CEP135: variants seen among roughly 807,000 people sequenced by gnomAD.
CEP135 encodes centrosomal protein of 135 kDa.
In CEP135, 142 loss-of-function variants were observed where a neutral mutation model predicts 157.3. That is an observed-to-expected ratio of 0.90 (90% CI 0.79 to 1.04). The LOEUF is 1.04. Ranked by LOEUF, CEP135 falls within the 50% of genes least tolerant of loss-of-function variation. CEP135 has a pLI of 0.00. For missense variants in CEP135, 1,317 were observed against 1,309.2 expected (o/e 1.01, Z -0.09); for synonymous variants, 396 against 439.8 (o/e 0.90, Z 1.25).
At position 55,971,269 on chromosome 4, in the gene CEP135, G is replaced by A; in HGVS notation, c.1111-1G>A. ...CTTAATTATAGTATTAAAATTTGCA[G>A]GAATTGAACTTATGCCAGAAAGAAA... On this transcript the variant is annotated splice_acceptor_variant, in intron 9 of 25. Coordinates refer to ENST00000257287, the MANE Select transcript of CEP135 (RefSeq NM_025009.5). LOFTEE classifies it high-confidence loss of function. The A allele has an allele frequency of 1.3e-6, 2 of 1,562,978 alleles. No individual in the cohort carries two copies. The highest frequency in any genetic ancestry group is 1.2e-5 in the South Asian group (1 of 82,286).
chr4:56,010,925 T>C (rs1422787878), intron 19 of CEP135, among the ~76,000 whole-genome samples: 2 of 152,168 alleles, frequency 1.3e-5, no homozygotes, highest in East Asian at 3.8e-4. Context: ...AAATGTGTGA[T>C]AAAGTTTGGT....
At chr4:55,992,316 A>T (rs1364161071) in intron 15 of CEP135, among the ~76,000 whole-genome samples, 1 of 152,202 alleles carries the variant, frequency 6.6e-6, no homozygotes, top group Admixed American at 6.5e-5. Context: ...TGTGTTTTTT[A>T]AAAGAAATTT....
chr4:55,974,977 C>G lies in CEP135; in HGVS notation c.1473+8C>G. On this transcript the variant is annotated splice_region_variant and intron_variant, in intron 11 of 25. Transcript: ENST00000257287. ...TTTAGAACACCAGAAAAGGTAATGTCCCTTTATAAGAGTAGGCCAGAAAGT... is the reference window on the plus strand; with the variant it reads ...TTTAGAACACCAGAAAAGGTAATGTGCCTTTATAAGAGTAGGCCAGAAAGT... 1 of 1,576,726 alleles carries G rather than the reference C, an allele frequency of 6.3e-7. No homozygotes were observed. The highest frequency in any genetic ancestry group is 1.4e-5 in the African/African-American group (1 of 73,776).
intron 15 of CEP135, 73 bp from the exon 16 acceptor site, chr4:55,999,229 G>A (rs1251355252): frequency 8.4e-7 from 1 of 1,188,850 alleles, no homozygotes; most frequent in East Asian, 2.5e-5. Context: ...ATATTTTTAA[G>A]AAATCTCATT....
chr4:55,981,432 T>G lies in CEP135; in HGVS notation c.1779+53T>G, dbSNP rs992371321. On this transcript the variant is annotated intron_variant, in intron 13 of 25. Transcript: ENST00000257287. ...GTAATTTGTTGAGAAAAAGAGGTCTTTGTATATACATTTTCCTGTGAAGTT... is the reference window on the plus strand; with the variant it reads ...GTAATTTGTTGAGAAAAAGAGGTCTGTGTATATACATTTTCCTGTGAAGTT... 3 of 1,497,938 alleles carry G rather than the reference T, an allele frequency of 2.0e-6. No homozygotes were observed. The African/African-American group carries it at 4.3e-5, about 22-fold the overall frequency. The allele number at this position is 1,497,938 out of a possible 1,614,324, so 92.8% of individuals were successfully genotyped here. A position where few individuals can be genotyped will look rare whatever the true frequency, so the allele number is the denominator to read the frequency against.
chr4:55,982,203 A>G lies in CEP135; in HGVS notation c.1779+824A>G, dbSNP rs189979084. ...TATTTCATATAAATTGAATCACTCGATATGTGATTTTTAAATGTCTGACTT... is the reference window on the plus strand; with the variant it reads ...TATTTCATATAAATTGAATCACTCGGTATGTGATTTTTAAATGTCTGACTT... On this transcript the variant is annotated intron_variant, in intron 13 of 25. Transcript: ENST00000257287. 1.8e-3 allele frequency among the ~76,000 whole-genome samples: 276 copies of G among 152,232 alleles called. 4 individuals are homozygous for G. The highest frequency in any genetic ancestry group is 1.1e-3 in the Non-Finnish European group (78 of 68,018).
At chr4:55,973,784 C>A (rs1487721701) in intron 10 of CEP135, among the ~76,000 whole-genome samples, 1 of 152,138 alleles carries the variant, frequency 6.6e-6, no homozygotes, top group South Asian at 2.1e-4. Context: ...CACCCACTAC[C>A]CCTTAGCTCC....
intron 14 of CEP135, among the ~76,000 whole-genome samples, chr4:55,991,380 G>A (rs576456444): frequency 1.1e-3 from 151 of 138,654 alleles, no homozygotes; most frequent in African/African-American, 3.9e-3. Flanking sequence ...TTTTTAAAAA[G>A]CTTGTGTTAG....
chr4:56,007,147 G>A (rs1455732211), intron 17 of CEP135, among the ~76,000 whole-genome samples: 1 of 152,192 alleles, frequency 6.6e-6, no homozygotes, highest in African/African-American at 2.4e-5. Flanking sequence ...ACCTGCCTCA[G>A]CCTCCCAAAG....
chr4:55,986,181 C>T (rs80083336), intron 14 of CEP135, among the ~76,000 whole-genome samples: 3,841 of 152,174 alleles, frequency 0.025, 87 homozygotes, highest in Middle Eastern at 0.13. Flanking sequence ...TAGAAGCGTG[C>T]CTGGCATATT....
At chr4:55,951,264 A>G (rs1429818124) in intron 1 of CEP135, among the ~76,000 whole-genome samples, 4 of 152,188 alleles carry the variant, frequency 2.6e-5, no homozygotes, top group African/African-American at 7.2e-5. Context: ...ATACCTGGGA[A>G]TAAAATCACA....
chr4:56,028,444 T>C (rs1014359793), intron 25 of CEP135, among the ~76,000 whole-genome samples: 1 of 152,218 alleles, frequency 6.6e-6, no homozygotes, highest in Admixed American at 6.5e-5. Flanking sequence ...TTTATAATCA[T>C]CAACAAACTC....
intron 10 of CEP135, among the ~76,000 whole-genome samples, chr4:55,973,873 T>A (rs1042480025): frequency 1.3e-5 from 2 of 152,150 alleles, no homozygotes; most frequent in Non-Finnish European, 2.9e-5. Flanking sequence ...TCTGTTATGC[T>A]GAATGCAGTG....
intron 12 of CEP135, among the ~76,000 whole-genome samples, chr4:55,980,971 T>G (rs902740218): frequency 1.3e-5 from 2 of 152,130 alleles, no homozygotes; most frequent in African/African-American, 2.4e-5. Flanking sequence ...TCAGCTTTCT[T>G]GGGTCTGCCT....
intron 25 of CEP135, among the ~76,000 whole-genome samples, chr4:56,025,761 A>G (rs1380961203): frequency 6.6e-6 from 1 of 152,188 alleles, no homozygotes; most frequent in Non-Finnish European, 1.5e-5. Context: ...ATAGTTCAGG[A>G]TTAGTATAAT....
intron 8 of CEP135, 57 bp from the exon 9 acceptor site, chr4:55,969,006 A>G: frequency 1.5e-6 from 2 of 1,314,150 alleles, no homozygotes; most frequent in South Asian, 1.3e-5. Flanking sequence ...CTATTTGCAT[A>G]TGACTTAAGT....
At chr4:56,005,374 A>G (rs1730318063) in intron 17 of CEP135, among the ~76,000 whole-genome samples, 1 of 152,166 alleles carries the variant, frequency 6.6e-6, no homozygotes, top group African/African-American at 2.4e-5. Context: ...GTAATGAGCT[A>G]TGATCATACC....
At position 56,033,097 on chromosome 4, in the gene CEP135, A is replaced by G. The variant is rs1449502419; in HGVS notation, c.*1749A>G. 1 of 152,090 alleles carries G rather than the reference A, an allele frequency of 6.6e-6. No individual in the cohort carries two copies. The highest frequency in any genetic ancestry group is 2.4e-5 in the African/African-American group (1 of 41,430). 9.4% of individuals were successfully genotyped at this position (152,090 alleles called of 1,614,324 possible). A position where few individuals can be genotyped will look rare whatever the true frequency, so the allele number is the denominator to read the frequency against. ...GGAAATCTTTTAATAAATATATGTA[A>G]ATAAAATAAAAAATATTTGTCTCCA... On this transcript the variant is annotated 3_prime_UTR_variant, in exon 26 of 26. Coordinates refer to ENST00000257287, the MANE Select transcript of CEP135 (RefSeq NM_025009.5).
chr4:55,981,314 G>A lies in CEP135; in HGVS notation c.1714G>A (p.Glu572Lys), dbSNP rs780368112. Residue 572 changes from glutamate (E) to lysine (K), a missense_variant, in exon 13 of 26, where the codon GAA becomes AAA. By Grantham distance (56) the Glu-to-Lys change is moderately conservative (BLOSUM62 1). Transcript: ENST00000257287. ...NIVSLMEKEK[E>K]LALSDLRRIM... ...TGTTAGTCTTATGGAAAAGGAAAAA[G>A]AACTTGCGTTATCTGACTTAAGAAG... The A allele has an allele frequency of 1.3e-6, 2 of 1,596,670 alleles. No homozygotes were observed. Among genetic ancestry groups the A allele is most frequent in the Admixed American group, 3.6e-5 (2 of 56,086 alleles).
Sources: allele counts gnomAD v4.1 joint callset (sites outside exome capture counted in the v4.1 genomes callset), GRCh38; gene constraint gnomAD v4.1.1; transcripts MANE v1.5; gene names NCBI Gene and HGNC (gene_info 2026-07-23, HGNC 2026-07-21).